SEPTIN7: variants seen among roughly 807,000 people sequenced by gnomAD.
SEPTIN7 encodes septin 7, also known as septin-7.
A neutral mutation model predicts 63.3 loss-of-function variants in SEPTIN7; 10 were observed. The ratio of observed to expected loss-of-function variants is 0.16; its 90% CI spans 0.10 to 0.27. The LOEUF is 0.27. SEPTIN7 is among the 10% of genes least tolerant of loss of function. The pLI is 1.00. For missense variants in SEPTIN7, 310 were observed against 521.0 expected (o/e 0.59, Z 3.94); for synonymous variants, 131 against 165.3 (o/e 0.79, Z 1.59).
intron 6 of SEPTIN7, 33 bp from the exon 7 acceptor site, chr7:35,879,790 C>A: frequency 8.5e-7 from 1 of 1,177,602 alleles, no homozygotes; most frequent in South Asian, 1.3e-5. Context: ...CCAAACTGAT[C>A]AATTCAGTCA....
intron 6 of SEPTIN7, among the ~76,000 whole-genome samples, chr7:35,879,080 A>C (rs1786665007): frequency 6.6e-6 from 1 of 152,224 alleles, no homozygotes; most frequent in Non-Finnish European, 1.5e-5. Flanking sequence ...TTGTGAGAGA[A>C]TAAGTAATGG....
intron 12 of SEPTIN7, chr7:35,902,266 T>C (rs1410845913): frequency 1.3e-5 from 2 of 151,986 alleles, no homozygotes; most frequent in Admixed American, 1.3e-4. Flanking sequence ...AAATTACTTA[T>C]CTAATGATCT....
At chr7:35,821,628 GAATTT>G (rs1789414338) in intron 1 of SEPTIN7, among the ~76,000 whole-genome samples, 1 of 152,114 alleles carries the variant, frequency 6.6e-6, no homozygotes, top group African/African-American at 2.4e-5. Flanking sequence ...GGAATTTGTT[GAATTT>G]AAGACAATAA....
intron 1 of SEPTIN7, among the ~76,000 whole-genome samples, chr7:35,808,822 ATTTG>A (rs925814552): frequency 3.9e-5 from 6 of 152,140 alleles, no homozygotes; most frequent in African/African-American, 1.4e-4. Flanking sequence ...ATATATTTTG[ATTTG>A]TTTAACATGT....
intron 11 of SEPTIN7, among the ~76,000 whole-genome samples, chr7:35,892,080 T>G (rs112304522): frequency 5.9e-4 from 90 of 152,330 alleles, no homozygotes; most frequent in African/African-American, 2.0e-3. Context: ...TGAAATGTCA[T>G]TATGCAGTAC....
At chr7:35,882,161 A>G (rs2116281502) in intron 7 of SEPTIN7, among the ~76,000 whole-genome samples, 3 of 152,082 alleles carry the variant, frequency 2.0e-5, no homozygotes, top group Middle Eastern at 6.8e-3. Flanking sequence ...AAATGACCTA[A>G]AGTCATTATT....
At chr7:35,895,386 C>T (rs534085455) in intron 11 of SEPTIN7, among the ~76,000 whole-genome samples, 1 of 152,200 alleles carries the variant, frequency 6.6e-6, no homozygotes, top group East Asian at 1.9e-4. Flanking sequence ...TTTAAATATG[C>T]ATGAACATTT....
intron 3 of SEPTIN7, among the ~76,000 whole-genome samples, chr7:35,858,327 T>A (rs1785312578): frequency 6.6e-6 from 1 of 152,152 alleles, no homozygotes; most frequent in African/African-American, 2.4e-5. Flanking sequence ...TTTTGTTTAT[T>A]CTTTTGAAGA....
At chr7:35,828,250 TGTAATG>T (rs1158294073) in intron 1 of SEPTIN7, among the ~76,000 whole-genome samples, 1 of 152,238 alleles carries the variant, frequency 6.6e-6, no homozygotes, top group African/African-American at 2.4e-5. Flanking sequence ...TGTCTGTTTC[TGTAATG>T]GTATCTTTCT....
chr7:35,817,652 A>G (rs564335414), intron 1 of SEPTIN7, among the ~76,000 whole-genome samples: 1 of 152,204 alleles, frequency 6.6e-6, no homozygotes, highest in East Asian at 1.9e-4. Flanking sequence ...TAACAGTATT[A>G]AGTCTTCCAC....
intron 11 of SEPTIN7, among the ~76,000 whole-genome samples, chr7:35,893,638 A>G (rs1446841584): frequency 1.3e-5 from 2 of 152,158 alleles, no homozygotes; most frequent in Admixed American, 6.5e-5. Context: ...CTGTGAATCA[A>G]TTTATCTTAT....
intron 3 of SEPTIN7, among the ~76,000 whole-genome samples, chr7:35,833,198 G>T (rs1308591238): frequency 6.6e-6 from 1 of 151,896 alleles, no homozygotes; most frequent in Non-Finnish European, 1.5e-5. Flanking sequence ...AGCATCTGGT[G>T]GTTACTTACT....
Position 35,890,790 on chromosome 7 carries a change from C to T in SEPTIN7, c.995C>T (p.Thr332Ile). ...VDNNKNKGQL[T>I]KSPLAQMEEE... Reference sequence around the variant, plus strand: ...AACAACAAGAATAAAGGGCAGCTGACTAAGTAAGTATATATTTTTTTCTCC... The same window carrying T: ...AACAACAAGAATAAAGGGCAGCTGATTAAGTAAGTATATATTTTTTTCTCC... Residue 332 changes from threonine to isoleucine, a missense_variant, in exon 11 of 14, where the codon ACT (threonine) becomes ATT (isoleucine). Physicochemically the swap from Thr to Ile is moderately conservative, Grantham distance 89. This residue lies in a region of SEPTIN7 where 255 missense variants were observed against 490.5 expected (regional missense o/e 0.52). Transcript: ENST00000350320. 6.4e-7 allele frequency: 1 copy of T among 1,556,340 alleles called. No individual in the cohort carries two copies. The highest frequency in any genetic ancestry group is 8.6e-7 in the Non-Finnish European group (1 of 1,158,796).
chr7:35,849,644 A>T (rs1784863544), intron 3 of SEPTIN7, among the ~76,000 whole-genome samples: 1 of 152,226 alleles, frequency 6.6e-6, no homozygotes, highest in African/African-American at 2.4e-5. Flanking sequence ...TTGGCAAAAC[A>T]TCTTGGTGTG....
chr7:35,883,242 T>C (rs960584997), intron 8 of SEPTIN7, among the ~76,000 whole-genome samples: 8 of 152,154 alleles, frequency 5.3e-5, no homozygotes, highest in African/African-American at 1.9e-4. Flanking sequence ...CTGTATTTTA[T>C]CATGGTTTTC....
intron 3 of SEPTIN7, among the ~76,000 whole-genome samples, chr7:35,858,433 G>A (rs1785319199): frequency 6.6e-6 from 1 of 152,074 alleles, no homozygotes; most frequent in African/African-American, 2.4e-5. Context: ...TTGGCTCACT[G>A]CAACCTCCGC....
chr7:35,904,238 T>C lies in SEPTIN7; in HGVS notation c.1275-16T>C, dbSNP rs748177201. ...AAATGGTTACTCATCTTGCTTATTT[T>C]CCTTTTATCCTTTAGAACCTTGGAA... is the stretch of plus-strand genomic sequence containing the variant. On this transcript the variant is annotated splice_polypyrimidine_tract_variant and intron_variant, in intron 13 of 13. Transcript: ENST00000350320. 2 of 1,529,882 alleles carry C rather than the reference T, an allele frequency of 1.3e-6. No homozygotes were observed. Among genetic ancestry groups the C allele is most frequent in the Middle Eastern group, 1.7e-4 (1 of 5,788 alleles). 94.8% of individuals were successfully genotyped at this position (1,529,882 alleles called of 1,614,324 possible).
At chr7:35,848,655 T>TA in intron 3 of SEPTIN7, among the ~76,000 whole-genome samples, 1 of 152,324 alleles carries the variant, frequency 6.6e-6, no homozygotes, top group Non-Finnish European at 1.5e-5. Flanking sequence ...CAAAAGAACT[T>TA]ACAGAAATTT....
At chr7:35,829,193 T>TGGCAC (rs1783690100) in intron 1 of SEPTIN7, among the ~76,000 whole-genome samples, 1 of 135,754 alleles carries the variant, frequency 7.4e-6, no homozygotes, top group African/African-American at 2.9e-5. Context: ...AGGAGTGCAA[T>TGGCAC]GGCACGATCT....
Sources: allele counts gnomAD v4.1 joint callset (sites outside exome capture counted in the v4.1 genomes callset), GRCh38; gene constraint gnomAD v4.1.1; regional missense constraint gnomAD v4.1.1; transcripts MANE v1.5; gene names NCBI Gene and HGNC (gene_info 2026-07-23, HGNC 2026-07-21).